NUMB: variants seen among roughly 807,000 people sequenced by gnomAD.
NUMB encodes the protein NUMB endocytic adaptor protein.
A neutral mutation model predicts 59.7 loss-of-function variants in NUMB; 29 were observed. The observed-to-expected ratio is 0.49, with a 90% CI of 0.36 to 0.66. The LOEUF (loss-of-function observed/expected upper bound fraction) is 0.66, where lower values mean the gene tolerates loss of function less well. Among genes scored for constraint, NUMB ranks in the 30% least tolerant of loss-of-function variants. NUMB has a pLI of 0.00. For missense variants in NUMB, 723 were observed against 822.0 expected (o/e 0.88, Z 1.47); for synonymous variants, 288 against 288.2 (o/e 1.00, Z 0.01).
intron 6 of NUMB, among the ~76,000 whole-genome samples, chr14:73,304,302 T>C (rs1356796371): frequency 6.7e-6 from 1 of 149,144 alleles, no homozygotes; most frequent in Non-Finnish European, 1.5e-5. Flanking sequence ...CCACTGTTTC[T>C]TTCTTTCTTT....
At chr14:73,349,676 A>G (rs1566754155) in intron 4 of NUMB, among the ~76,000 whole-genome samples, 3 of 151,992 alleles carry the variant, frequency 2.0e-5, no homozygotes, top group Non-Finnish European at 4.4e-5. Flanking sequence ...CCAGGAGATC[A>G]AGACCATCCT....
At chr14:73,278,873 G>A (rs548060247) in intron 12 of NUMB, among the ~76,000 whole-genome samples, 2 of 151,882 alleles carry the variant, frequency 1.3e-5, no homozygotes, top group East Asian at 3.9e-4. Context: ...GACTATATGC[G>A]CATGCCACCG....
At chr14:73,406,439 G>T (rs1454531895) in intron 2 of NUMB, among the ~76,000 whole-genome samples, 1 of 151,822 alleles carries the variant, frequency 6.6e-6, no homozygotes, top group Admixed American at 6.6e-5. Flanking sequence ...CTTTTTTATG[G>T]CTGCATAGTA....
rs1893417322 is a variant in NUMB at position 73,352,505 on chromosome 14, TA to T, written c.126+3120del. Among the ~76,000 whole-genome samples, 8 of 15,168 alleles carry T rather than the reference TA, an allele frequency of 5.3e-4. 2 individuals are homozygous for T. The highest frequency in any genetic ancestry group is 4.0e-3 in the African/African-American group (8 of 1,988). 10.0% of individuals were successfully genotyped at this position (15,168 alleles called of 152,430 possible). A position where few individuals can be genotyped will look rare whatever the true frequency, so the allele number is the denominator to read the frequency against. On this transcript the variant is annotated intron_variant, in intron 4 of 12. Transcript: ENST00000555238. ...ATATATATATATATATATATATATATATATATATATATATATATATATATGT... is the reference window on the plus strand; with the variant it reads ...ATATATATATATATATATATATATATTATATATATATATATATATATATGT...
At chr14:73,425,592 T>C (rs1897543096) in intron 1 of NUMB, among the ~76,000 whole-genome samples, 1 of 152,122 alleles carries the variant, frequency 6.6e-6, no homozygotes, top group Admixed American at 6.5e-5. Context: ...GAATATTGAC[T>C]GACAAGTATT....
chr14:73,392,653 C>G (rs555612248), intron 2 of NUMB, among the ~76,000 whole-genome samples: 125 of 152,296 alleles, frequency 8.2e-4, no homozygotes, highest in African/African-American at 2.7e-3. Context: ...TCTAGCCACA[C>G]AGTGTCATAT....
intron 1 of NUMB, among the ~76,000 whole-genome samples, chr14:73,419,403 G>C (rs919471915): frequency 1.3e-5 from 2 of 152,158 alleles, no homozygotes; most frequent in African/African-American, 4.8e-5. Flanking sequence ...CCAGCTACTA[G>C]GAGGCTGAGG....
intron 4 of NUMB, among the ~76,000 whole-genome samples, chr14:73,325,980 A>G (rs1891642751): frequency 1.3e-5 from 2 of 152,122 alleles, no homozygotes; most frequent in Admixed American, 1.3e-4. Context: ...ATCTCCTGCC[A>G]TTTGATCCTA....
chr14:73,330,124 A>G (rs1185786957), intron 4 of NUMB, among the ~76,000 whole-genome samples: 1 of 152,138 alleles, frequency 6.6e-6, no homozygotes, highest in East Asian at 1.9e-4. Context: ...CTGCAGCCTT[A>G]GGCTCAAGCA....
intron 2 of NUMB, among the ~76,000 whole-genome samples, chr14:73,391,917 A>T (rs1859988): frequency 0.23 from 34,905 of 152,124 alleles, 4,078 homozygotes; most frequent in Non-Finnish European, 0.25. Flanking sequence ...TCTGTTTACC[A>T]ATTCTACTGG....
At position 73,390,711 on chromosome 14, in the gene NUMB, G is replaced by A. The variant is rs561748000; in HGVS notation, c.-101+19226C>T. 1.6e-3 allele frequency among the ~76,000 whole-genome samples: 210 copies of A among 132,480 alleles called. 2 individuals are homozygous for A. Among genetic ancestry groups the A allele is most frequent in the African/African-American group, 6.0e-3 (205 of 34,000 alleles). The allele number at this position is 132,480 out of a possible 152,430, so 86.9% of individuals were successfully genotyped here. ...GTCGCCCAGGCTGGAGTGCAGTGGC[G>A]TGATCTCAGCTCACTTCAACCTCCA... On this transcript the variant is annotated intron_variant, in intron 2 of 12. Coordinates refer to ENST00000555238, the MANE Select transcript of NUMB (RefSeq NM_001005743.2).
intron 1 of NUMB, among the ~76,000 whole-genome samples, chr14:73,414,401 GTGTT>G (rs1897030273): frequency 6.6e-6 from 1 of 152,062 alleles, no homozygotes; most frequent in African/African-American, 2.4e-5. Flanking sequence ...TGTTGCAGGG[GTGTT>G]TGTTTTGAGA....
intron 2 of NUMB, among the ~76,000 whole-genome samples, chr14:73,383,785 GT>G (rs1306054939): frequency 1.3e-5 from 2 of 152,140 alleles, no homozygotes; most frequent in Non-Finnish European, 1.5e-5. Flanking sequence ...GGAGGCTGAG[GT>G]GGGCAGATCA....
At chr14:73,388,161 C>T (rs1445876654) in intron 2 of NUMB, among the ~76,000 whole-genome samples, 1 of 152,010 alleles carries the variant, frequency 6.6e-6, no homozygotes, top group Non-Finnish European at 1.5e-5. Flanking sequence ...TTCAAGTGCT[C>T]GCTGGTTAAT....
intron 5 of NUMB, among the ~76,000 whole-genome samples, chr14:73,321,382 G>GT (rs776033449): frequency 1.3e-5 from 2 of 152,012 alleles, no homozygotes; most frequent in African/African-American, 2.4e-5. Context: ...TTAAAAAAAT[G>GT]TTCTTAGCTA....
chr14:73,397,464 T>C (rs946954612), intron 2 of NUMB, among the ~76,000 whole-genome samples: 2 of 152,184 alleles, frequency 1.3e-5, no homozygotes, highest in African/African-American at 4.8e-5. Context: ...GATCCCACCA[T>C]TGCTAATATC....
chr14:73,418,467 GA>G (rs897765335), intron 1 of NUMB, among the ~76,000 whole-genome samples: 4 of 152,194 alleles, frequency 2.6e-5, no homozygotes, highest in African/African-American at 7.2e-5. Flanking sequence ...TGTACATTTA[GA>G]AACAGTTAAA....
chr14:73,369,218 T>C (rs919392632), intron 2 of NUMB, among the ~76,000 whole-genome samples: 3 of 152,018 alleles, frequency 2.0e-5, no homozygotes, highest in African/African-American at 4.8e-5. Flanking sequence ...ATTTTTTGTA[T>C]TTTTAGTAGA....
At position 73,355,708 on chromosome 14, in the gene NUMB, T is replaced by C. The variant is rs777062232; in HGVS notation, c.44A>G (p.Tyr15Cys). 6.2e-7 allele frequency: 1 copy of C among 1,613,510 alleles called. No homozygotes were observed. Among genetic ancestry groups the C allele is most frequent in the Non-Finnish European group, 8.5e-7 (1 of 1,179,646 alleles). ...RQSFRRKKDVYVPEASRPHQW... is the reference protein window; with the variant it reads ...RQSFRRKKDVCVPEASRPHQW... ...ATGTGGACGACTGGCCTCTGGAACATAAACATCCTTCTTTCTCCTAAAACT... is the reference window on the plus strand; with the variant it reads ...ATGTGGACGACTGGCCTCTGGAACACAAACATCCTTCTTTCTCCTAAAACT... Residue 15 changes from tyrosine (Y) to cysteine (C), a missense_variant, in exon 4 of 13, where the codon TAT becomes TGT. By Grantham distance (194) the Tyr-to-Cys change is radical. Transcript: ENST00000555238.
Sources: allele counts gnomAD v4.1 joint callset (sites outside exome capture counted in the v4.1 genomes callset), GRCh38; gene constraint gnomAD v4.1.1; transcripts MANE v1.5; gene names NCBI Gene and HGNC (gene_info 2026-07-23, HGNC 2026-07-21).